HYCC2: variants seen among roughly 807,000 people sequenced by gnomAD.
HYCC2 encodes hyccin PI4KA lipid kinase complex subunit 2.
the HYCC2 span, chr2:200,981,931 A>G: frequency 2.6e-6 from 4 of 1,526,672 alleles, no homozygotes; most frequent in African/African-American, 2.8e-5. This position sits in a 1 kb window ranked among gnomAD's most constrained non-coding sequence, Gnocchi z 4.5. Flanking sequence ...GCAGCTGTGA[A>G]TAACAACACT....
At chr2:201,059,876 T>C in the HYCC2 span, among the ~76,000 whole-genome samples, 14 of 152,070 alleles carry the variant, frequency 9.2e-5, no homozygotes, top group East Asian at 2.7e-3. Flanking sequence ...TGAAACCCCG[T>C]CTCTACTAAA....
At chr2:201,029,828 T>G in the HYCC2 span, among the ~76,000 whole-genome samples, 1 of 152,064 alleles carries the variant, frequency 6.6e-6, no homozygotes, top group Non-Finnish European at 1.5e-5. Context: ...ATACCTAATG[T>G]AAATGACGAG....
At chr2:201,019,342 C>CA in the HYCC2 span, among the ~76,000 whole-genome samples, 1 of 152,138 alleles carries the variant, frequency 6.6e-6, no homozygotes, top group Non-Finnish European at 1.5e-5. Flanking sequence ...TAACTAAGCA[C>CA]AGTGAAGAAA....
chr2:201,062,403 C>T, the HYCC2 span, among the ~76,000 whole-genome samples: 15 of 151,994 alleles, frequency 9.9e-5, no homozygotes, highest in African/African-American at 3.6e-4. Context: ...AATCCCAGCA[C>T]TTTGGGAGGC....
the HYCC2 span, among the ~76,000 whole-genome samples, chr2:200,994,971 G>A: frequency 6.7e-6 from 1 of 149,848 alleles, no homozygotes; most frequent in Non-Finnish European, 1.5e-5. Flanking sequence ...TTGTGCCACT[G>A]CATTCTAGCC....
At chr2:200,989,941 G>A in the HYCC2 span, among the ~76,000 whole-genome samples, 1 of 151,550 alleles carries the variant, frequency 6.6e-6, no homozygotes, top group Non-Finnish European at 1.5e-5. Flanking sequence ...AATTGGAAAG[G>A]AATAAAAATC....
chr2:200,976,168 A>T, the HYCC2 span: 1 of 152,200 alleles, frequency 6.6e-6, no homozygotes, highest in African/African-American at 2.4e-5. Flanking sequence ...TGGTAAAACG[A>T]TGACAATAAT....
At chr2:201,008,923 T>C in the HYCC2 span, 4 of 1,035,692 alleles carry the variant, frequency 3.9e-6, no homozygotes, top group African/African-American at 4.7e-5. Flanking sequence ...ATATATATAT[T>C]CATGCATACA....
At chr2:200,993,809 G>A in the HYCC2 span, among the ~76,000 whole-genome samples, 4 of 151,136 alleles carry the variant, frequency 2.6e-5, no homozygotes, top group South Asian at 4.2e-4. Context: ...GTGAAACCCC[G>A]TCTCTACTAA....
the HYCC2 span, among the ~76,000 whole-genome samples, chr2:201,032,802 G>A: frequency 1.3e-4 from 20 of 152,010 alleles, no homozygotes; most frequent in Middle Eastern, 3.2e-3. Context: ...GATTATACAC[G>A]TGTGCCACTA....
At chr2:201,042,692 G>A in the HYCC2 span, among the ~76,000 whole-genome samples, 369 of 150,928 alleles carry the variant, frequency 2.4e-3, 1 homozygote, top group African/African-American at 8.2e-3. Context: ...CGCCCAGTCC[G>A]GGAGCTGGGG....
At chr2:201,042,347 G>T in the HYCC2 span, among the ~76,000 whole-genome samples, 14 of 152,178 alleles carry the variant, frequency 9.2e-5, no homozygotes, top group Non-Finnish European at 2.9e-5. Flanking sequence ...CTCCCAAAGT[G>T]CTGAGATTGC....
At chr2:201,039,831 C>T in the HYCC2 span, among the ~76,000 whole-genome samples, 1 of 152,064 alleles carries the variant, frequency 6.6e-6, no homozygotes, top group African/African-American at 2.4e-5. Context: ...AGACAAGTCA[C>T]ACCTCAATTT....
the HYCC2 span, among the ~76,000 whole-genome samples, chr2:201,054,111 T>G: frequency 1.3e-4 from 20 of 152,220 alleles, no homozygotes; most frequent in African/African-American, 4.8e-4. Context: ...CAAAGGGATG[T>G]GTACCCAGTG....
the HYCC2 span, among the ~76,000 whole-genome samples, chr2:201,003,410 T>G: frequency 6.6e-6 from 1 of 151,984 alleles, no homozygotes; most frequent in African/African-American, 2.4e-5. Flanking sequence ...CTTCAACTAG[T>G]GGGGTGAAGG....
chr2:200,991,873 A>T, the HYCC2 span, among the ~76,000 whole-genome samples: 1 of 152,088 alleles, frequency 6.6e-6, no homozygotes, highest in Non-Finnish European at 1.5e-5. Flanking sequence ...TATAAAAAAA[A>T]TACAAAACAA....
the HYCC2 span, among the ~76,000 whole-genome samples, chr2:201,008,564 C>A: frequency 6.6e-6 from 1 of 150,500 alleles, no homozygotes; most frequent in African/African-American, 2.5e-5. Flanking sequence ...AGATCAAGAC[C>A]AGCCTAGGCA....
At chr2:201,039,771 G>T in the HYCC2 span, among the ~76,000 whole-genome samples, 1 of 152,132 alleles carries the variant, frequency 6.6e-6, no homozygotes, top group African/African-American at 2.4e-5. Context: ...AAGTATAGAT[G>T]ACTACTACTA....
chr2:201,043,290 G>T, the HYCC2 span, among the ~76,000 whole-genome samples: 2 of 152,048 alleles, frequency 1.3e-5, no homozygotes, highest in South Asian at 2.1e-4. Context: ...CACAAACACT[G>T]CGGAAGGTGG....
Sources: allele counts gnomAD v4.1 joint callset (sites outside exome capture counted in the v4.1 genomes callset), GRCh38; gene constraint gnomAD v4.1.1; non-coding constraint Gnocchi (gnomAD v3.1); transcripts MANE v1.5; gene names NCBI Gene and HGNC (gene_info 2026-07-23, HGNC 2026-07-21).